OTUD7A: variants seen among roughly 807,000 people sequenced by gnomAD.
The protein encoded by OTUD7A is OTU domain-containing protein 7A.
Under a neutral mutation model 65.7 loss-of-function variants are expected in OTUD7A, and 12 were observed. That is an observed-to-expected ratio of 0.18 (90% CI 0.12 to 0.30). OTUD7A has a LOEUF of 0.30. OTUD7A is among the 10% of genes least tolerant of loss of function. OTUD7A has a pLI of 1.00. For synonymous variants in OTUD7A, 641 were observed against 586.3 expected (o/e 1.09, Z -1.35); for missense variants, 1,148 against 1,304.8 (o/e 0.88, Z 1.85).
At chr15:31,844,551 T>A (rs1273761394) in intron 1 of OTUD7A, among the ~76,000 whole-genome samples, 2 of 152,234 alleles carry the variant, frequency 1.3e-5, no homozygotes, top group Non-Finnish European at 2.9e-5. Context: ...CCCTTCCTGA[T>A]GACACTGGAG....
chr15:31,663,651 A>G (rs937434867), intron 1 of OTUD7A, among the ~76,000 whole-genome samples: 1 of 152,104 alleles, frequency 6.6e-6, no homozygotes, highest in Non-Finnish European at 1.5e-5. Context: ...TCCATGATGT[A>G]TATGTACCAC....
At chr15:31,634,320 A>G (rs1891271303) in intron 3 of OTUD7A, among the ~76,000 whole-genome samples, 2 of 152,204 alleles carry the variant, frequency 1.3e-5, no homozygotes, top group African/African-American at 4.8e-5. Flanking sequence ...ACTGCTGACA[A>G]AAGCCAGTCT....
chr15:31,606,039 A>G (rs563491442), intron 3 of OTUD7A, among the ~76,000 whole-genome samples: 5 of 152,168 alleles, frequency 3.3e-5, no homozygotes, highest in Non-Finnish European at 7.4e-5. Flanking sequence ...CTAATTTACC[A>G]CAACCAAAAT....
At chr15:31,775,021 C>T (rs1464820505) in intron 1 of OTUD7A, among the ~76,000 whole-genome samples, 1 of 151,050 alleles carries the variant, frequency 6.6e-6, no homozygotes, top group Middle Eastern at 3.4e-3. Context: ...CACAACATCA[C>T]ATCCAAACAC....
intron 5 of OTUD7A, among the ~76,000 whole-genome samples, chr15:31,532,952 A>AAG (rs1555394104): frequency 4.0e-5 from 6 of 150,626 alleles, no homozygotes; most frequent in African/African-American, 1.2e-4. Flanking sequence ...AAAAAAAAAA[A>AAG]AAGTGTTCAA....
intron 1 of OTUD7A, chr15:31,787,482 A>G (rs1418190941): frequency 1.3e-5 from 2 of 152,230 alleles, no homozygotes; most frequent in African/African-American, 4.8e-5. Flanking sequence ...AGGAATGCTA[A>G]GCCTAGGTGG....
intron 10 of OTUD7A, among the ~76,000 whole-genome samples, chr15:31,499,512 C>T (rs573493830): frequency 6.6e-6 from 1 of 152,372 alleles, no homozygotes; most frequent in South Asian, 2.1e-4. Context: ...CCACGTCCCT[C>T]TCTGCTGAGA....
At chr15:31,752,291 A>T (rs1894658718) in intron 1 of OTUD7A, among the ~76,000 whole-genome samples, 1 of 151,046 alleles carries the variant, frequency 6.6e-6, no homozygotes, top group Non-Finnish European at 1.5e-5. Flanking sequence ...AAGCAAAACT[A>T]TGTTGTTTTG....
chr15:31,621,483 A>G (rs542875324), intron 3 of OTUD7A, among the ~76,000 whole-genome samples: 38 of 152,252 alleles, frequency 2.5e-4, no homozygotes, highest in Non-Finnish European at 4.3e-4. Flanking sequence ...TAGGATAGTT[A>G]GCTTTTCTTG....
At chr15:31,690,736 T>C (rs971145576) in intron 1 of OTUD7A, among the ~76,000 whole-genome samples, 1 of 152,098 alleles carries the variant, frequency 6.6e-6, no homozygotes, top group Non-Finnish European at 1.5e-5. Context: ...ACATGCAAAA[T>C]AATGAAGTTA....
At chr15:31,580,166 A>C (rs1300022315) in intron 3 of OTUD7A, among the ~76,000 whole-genome samples, 3 of 152,186 alleles carry the variant, frequency 2.0e-5, no homozygotes, top group Non-Finnish European at 4.4e-5. Flanking sequence ...ATAAACCTGA[A>C]AGTAGAATGG....
intron 1 of OTUD7A, among the ~76,000 whole-genome samples, chr15:31,777,710 G>C (rs1394294148): frequency 6.6e-6 from 1 of 152,222 alleles, no homozygotes; most frequent in Non-Finnish European, 1.5e-5. Flanking sequence ...ACATGGAAGA[G>C]ATCTCATGGC....
intron 4 of OTUD7A, among the ~76,000 whole-genome samples, chr15:31,565,772 T>C (rs1395462407): frequency 6.6e-6 from 1 of 152,136 alleles, no homozygotes; most frequent in East Asian, 1.9e-4. Flanking sequence ...GGCATTTAGT[T>C]CAGTGGGAAA....
At chr15:31,696,259 G>A (rs1338115574) in intron 1 of OTUD7A, among the ~76,000 whole-genome samples, 1 of 137,226 alleles carries the variant, frequency 7.3e-6, no homozygotes, top group East Asian at 2.7e-4. Flanking sequence ...GCCAGCAAGG[G>A]CTCAGGCCAG....
intron 1 of OTUD7A, among the ~76,000 whole-genome samples, chr15:31,659,034 AATG>A (rs1892077004): frequency 2.6e-5 from 3 of 114,942 alleles, no homozygotes; most frequent in Non-Finnish European, 5.2e-5. Context: ...TGAATGAATG[AATG>A]AATGAATAAA....
intron 1 of OTUD7A, among the ~76,000 whole-genome samples, chr15:31,746,982 A>C (rs1308587304): frequency 6.6e-6 from 1 of 152,190 alleles, no homozygotes; most frequent in East Asian, 1.9e-4. Context: ...GTTCAATTGC[A>C]CACTTAAAGT....
chr15:31,723,148 A>T (rs1893787265), intron 1 of OTUD7A, among the ~76,000 whole-genome samples: 1 of 152,186 alleles, frequency 6.6e-6, no homozygotes, highest in Non-Finnish European at 1.5e-5. Flanking sequence ...CCAGCCAGAA[A>T]GGAGGGGAGC....
intron 8 of OTUD7A, among the ~76,000 whole-genome samples, chr15:31,516,932 G>A (rs141027862): frequency 6.6e-6 from 1 of 152,254 alleles, no homozygotes; most frequent in African/African-American, 2.4e-5. Flanking sequence ...GATTGAATTT[G>A]CACCTTCCTT....
Position 31,475,750 on chromosome 15 carries a change from G to T in OTUD7A, c.*7544C>A, listed in dbSNP as rs2141048359. On this transcript the variant is annotated 3_prime_UTR_variant, in exon 13 of 13. Coordinates refer to ENST00000307050, the MANE Select transcript of OTUD7A (RefSeq NM_001382637.1). ...GAATTGGAATTAACACCTGCAGGTA[G>T]AAAGGGGTTCTGCACAACTGGGTCA... 1 of 152,346 alleles carries T rather than the reference G, an allele frequency of 6.6e-6. No individual in the cohort carries two copies. The highest frequency in any genetic ancestry group is 1.9e-4 in the East Asian group (1 of 5,190). 9.4% of individuals were successfully genotyped at this position (152,346 alleles called of 1,614,324 possible). A position where few individuals can be genotyped will look rare whatever the true frequency, so the allele number is the denominator to read the frequency against.
Sources: gnomAD v4.1 joint callset for allele counts (sites outside exome capture counted in the v4.1 genomes callset) on GRCh38, gnomAD v4.1.1 for gene constraint, MANE v1.5 for transcripts, NCBI Gene and HGNC (gene_info 2026-07-23, HGNC 2026-07-21) for gene names.